GRIK2: variants seen among roughly 807,000 people sequenced by gnomAD.
GRIK2 encodes the protein glutamate receptor ionotropic, kainate 2.
A neutral mutation model predicts 100.3 loss-of-function variants in GRIK2; 32 were observed. The observed-to-expected ratio is 0.32, with a 90% CI of 0.24 to 0.43. The LOEUF is 0.43. GRIK2 is among the 20% of genes least tolerant of loss of function. The probability of loss-of-function intolerance (pLI) is 1.00; values close to 1 mark genes in which losing one functional copy is unlikely to be tolerated. For missense variants in GRIK2, 843 were observed against 1,114.9 expected (o/e 0.76, Z 3.47); for synonymous variants, 417 against 389.4 (o/e 1.07, Z -0.83).
At chr6:101,901,880 C>T (rs1787867403) in intron 12 of GRIK2, among the ~76,000 whole-genome samples, 1 of 151,866 alleles carries the variant, frequency 6.6e-6, no homozygotes, top group Admixed American at 6.6e-5. Context: ...TCATTTGGAT[C>T]TACTAAATAA....
At chr6:101,711,858 A>G (rs946444161) in intron 7 of GRIK2, among the ~76,000 whole-genome samples, 22 of 151,958 alleles carry the variant, frequency 1.4e-4, no homozygotes, top group Non-Finnish European at 5.9e-5. Context: ...AAGCCAGTAA[A>G]TAACATTTTT....
In GRIK2 at chr6:101,928,693, G is replaced by A. The variant is rs112066034; in HGVS notation, c.2085+61G>A. On this transcript the variant is annotated intron_variant, in intron 14 of 16. Transcript: ENST00000369134. ...AAATGATAGAGCGCAAACTTCTCTC[G>A]ATTCACAAATGTAAGAGTGTAACAA... The A allele has an allele frequency of 7.8e-5, 64 of 822,156 alleles. 1 individual carries two copies. Among genetic ancestry groups the A allele is most frequent in the Non-Finnish European group, 1.2e-4 (57 of 470,026 alleles). 50.9% of individuals were successfully genotyped at this position (822,156 alleles called of 1,614,324 possible).
intron 12 of GRIK2, among the ~76,000 whole-genome samples, chr6:101,902,703 T>C (rs193072895): frequency 6.6e-5 from 10 of 152,024 alleles, no homozygotes; most frequent in Admixed American, 6.6e-4. Context: ...CATGGAAATT[T>C]TTTTAACTAC....
chr6:101,465,088 A>G (rs1224563453), intron 2 of GRIK2, among the ~76,000 whole-genome samples: 1 of 152,154 alleles, frequency 6.6e-6, no homozygotes, highest in East Asian at 1.9e-4. Context: ...TTCCTTGGAT[A>G]ATTTTTTTTG....
rs778567199 is a variant in GRIK2, at chr6:101,437,025, G to GAT, written c.115+37648_115+37649dup. ...AATTTTAGAGTTCAATACCTATATG[G>GAT]ATATATATATATATATTTATACTAT... On this transcript the variant is annotated intron_variant, in intron 2 of 16. Coordinates refer to ENST00000369134, the MANE Select transcript of GRIK2 (RefSeq NM_021956.5). Among the ~76,000 whole-genome samples, 1,105 of 147,734 alleles carry GAT rather than the reference G, an allele frequency of 7.5e-3. 5 individuals are homozygous for GAT. The highest frequency in any genetic ancestry group is 0.022 in the African/African-American group (906 of 40,476).
intron 4 of GRIK2, among the ~76,000 whole-genome samples, chr6:101,654,563 G>A (rs1781967387): frequency 6.6e-6 from 1 of 152,100 alleles, no homozygotes; most frequent in Admixed American, 6.5e-5. Context: ...TCTGTAATAT[G>A]TTCAATACCA....
intron 2 of GRIK2, among the ~76,000 whole-genome samples, chr6:101,460,568 A>G (rs1469297676): frequency 5.3e-5 from 8 of 152,208 alleles, no homozygotes; most frequent in African/African-American, 1.4e-4. Flanking sequence ...TTACTTTTCT[A>G]TTATAGTAAG....
intron 14 of GRIK2, among the ~76,000 whole-genome samples, chr6:101,968,555 C>G (rs1266812346): frequency 1.3e-5 from 2 of 151,992 alleles, no homozygotes; most frequent in Non-Finnish European, 2.9e-5. Flanking sequence ...ATATCCAGCA[C>G]TCTACAATAT....
intron 2 of GRIK2, among the ~76,000 whole-genome samples, chr6:101,511,863 G>A: frequency 6.6e-6 from 1 of 151,880 alleles, no homozygotes. Context: ...TATGATCAAT[G>A]ACTGAATTTG....
intron 11 of GRIK2, among the ~76,000 whole-genome samples, chr6:101,879,035 C>A (rs902009951): frequency 6.6e-6 from 1 of 152,018 alleles, no homozygotes; most frequent in Non-Finnish European, 1.5e-5. Flanking sequence ...GCTGATGGAG[C>A]CACTACCACG....
chr6:101,737,384 T>C lies in GRIK2; in HGVS notation c.951+51031T>C, dbSNP rs143613032. Among the ~76,000 whole-genome samples the C allele has an allele frequency of 3.4e-3, 516 of 152,330 alleles. 4 individuals carry two copies. Among genetic ancestry groups the C allele is most frequent in the African/African-American group, 0.011 (441 of 41,580 alleles). On this transcript the variant is annotated intron_variant, in intron 7 of 16. Coordinates refer to ENST00000369134, the MANE Select transcript of GRIK2 (RefSeq NM_021956.5). ...AAAAGAAAGAAGTGTAATGGACTTATAGTTCCACATGGCTGGGGAGCCTCA... is the reference window on the plus strand; with the variant it reads ...AAAAGAAAGAAGTGTAATGGACTTACAGTTCCACATGGCTGGGGAGCCTCA...
chr6:101,788,363 C>G (rs528542559), intron 7 of GRIK2, among the ~76,000 whole-genome samples: 2 of 151,894 alleles, frequency 1.3e-5, no homozygotes, highest in Non-Finnish European at 2.9e-5. Flanking sequence ...TCCCCCCTGC[C>G]CCCACCCCAC....
chr6:101,583,828 C>T (rs921313614), intron 2 of GRIK2, among the ~76,000 whole-genome samples: 1 of 151,996 alleles, frequency 6.6e-6, no homozygotes, highest in Non-Finnish European at 1.5e-5. Context: ...ATGCTACCAT[C>T]CTGGAAAGAT....
chr6:101,975,839 C>CTATCTATCTATCTATCTATCTA (rs1269650216), intron 14 of GRIK2, among the ~76,000 whole-genome samples: 3 of 151,836 alleles, frequency 2.0e-5, no homozygotes, highest in African/African-American at 7.3e-5. Context: ...ATCTATCTAT[C>CTATCTATCTATCTATCTATCTA]TATCTATCCC....
At chr6:101,660,028 G>A (rs987632325) in intron 4 of GRIK2, among the ~76,000 whole-genome samples, 4 of 152,088 alleles carry the variant, frequency 2.6e-5, no homozygotes, top group African/African-American at 7.2e-5. Context: ...CTCTTGCTAG[G>A]TTGGGGAAGT....
At chr6:101,398,543 C>A (rs1169185734) in intron 1 of GRIK2, among the ~76,000 whole-genome samples, 2 of 152,188 alleles carry the variant, frequency 1.3e-5, no homozygotes, top group African/African-American at 4.8e-5. Context: ...CGTCTTAGAT[C>A]ACTTTCTTTT....
chr6:101,400,808 G>A (rs1353232394), intron 2 of GRIK2, among the ~76,000 whole-genome samples: 1 of 152,196 alleles, frequency 6.6e-6, no homozygotes, highest in Admixed American at 6.5e-5. Context: ...CAAAAAGCCT[G>A]CTGATGATAA....
intron 2 of GRIK2, among the ~76,000 whole-genome samples, chr6:101,427,672 G>T (rs1769114595): frequency 6.6e-6 from 1 of 152,140 alleles, no homozygotes; most frequent in South Asian, 2.1e-4. Flanking sequence ...GCAATACTTT[G>T]TATCGGTAAA....
At chr6:102,053,432 A>G (rs936395535) in intron 15 of GRIK2, among the ~76,000 whole-genome samples, 6 of 152,170 alleles carry the variant, frequency 3.9e-5, no homozygotes, top group African/African-American at 1.4e-4. Context: ...CAGAGACTCA[A>G]GCACCATGTT....
Sources: allele counts gnomAD v4.1 joint callset (sites outside exome capture counted in the v4.1 genomes callset), GRCh38; gene constraint gnomAD v4.1.1; transcripts MANE v1.5; gene names NCBI Gene and HGNC (gene_info 2026-07-23, HGNC 2026-07-21).